Variants in APBB2 observed in about 807,000 individuals in gnomAD.
APBB2 encodes the protein amyloid beta precursor protein binding family B member 2, also known as Fe65-like 1.
A neutral mutation model predicts 82.5 loss-of-function variants in APBB2; 38 were observed. The ratio of observed to expected loss-of-function variants is 0.46; its 90% CI spans 0.36 to 0.60. The LOEUF (loss-of-function observed/expected upper bound fraction) is 0.60. Ranked by LOEUF, APBB2 falls within the 20% of genes least tolerant of loss-of-function variation. The pLI, the probability that APBB2 is intolerant of heterozygous loss-of-function variation, is 0.00. For missense variants in APBB2, 772 were observed against 972.3 expected, an observed-to-expected ratio of 0.79 and a Z score of 2.74; for synonymous variants, 341 against 368.2, an observed-to-expected ratio of 0.93 and a Z score of 0.85.
At chr4:41,093,773 G>C (rs572747221) in intron 3 of APBB2, among the ~76,000 whole-genome samples, 18 of 152,024 alleles carry the variant, frequency 1.2e-4, no homozygotes, top group African/African-American at 3.9e-4. Context: ...AGAATCGCTT[G>C]AATCTGGGAG....
chr4:40,941,504 G>A (rs1425992397), intron 7 of APBB2, among the ~76,000 whole-genome samples: 1 of 152,210 alleles, frequency 6.6e-6, no homozygotes, highest in African/African-American at 2.4e-5. Flanking sequence ...ACTCAAGCTT[G>A]ACTCTACCAT....
In APBB2 at chr4:40,998,838, C is replaced by T. The variant is rs543671923; in HGVS notation, c.835+14745G>A. Among the ~76,000 whole-genome samples, 28 of 152,266 alleles carry T rather than the reference C, an allele frequency of 1.8e-4. No individual in the cohort carries two copies. The South Asian group carries it at 2.1e-3, about 11-fold the overall frequency. Reference sequence around the variant, plus strand: ...CAGCTGATCTGGAAACAGAGACAGACGGCTACTAAGCAACTCACAGGTCGG... The same window carrying T: ...CAGCTGATCTGGAAACAGAGACAGATGGCTACTAAGCAACTCACAGGTCGG... On this transcript the variant is annotated intron_variant, in intron 6 of 17. Transcript: ENST00000508593.
chr4:41,017,445 G>GC (rs1043535127), intron 5 of APBB2, among the ~76,000 whole-genome samples: 13 of 152,158 alleles, frequency 8.5e-5, no homozygotes, highest in Non-Finnish European at 1.9e-4. Flanking sequence ...CAAGAAAGCA[G>GC]CCCCAAGGGA....
chr4:40,914,904 A>G (rs1779473964), intron 10 of APBB2, among the ~76,000 whole-genome samples: 1 of 152,140 alleles, frequency 6.6e-6, no homozygotes. Context: ...AGAAACCATG[A>G]GTCCCTGGGT....
intron 1 of APBB2, among the ~76,000 whole-genome samples, chr4:41,213,607 T>C (rs928313030): frequency 2.6e-5 from 4 of 152,180 alleles, no homozygotes; most frequent in Non-Finnish European, 5.9e-5. Context: ...CACCTTTCAT[T>C]GTTTCTATGG....
In APBB2 at chr4:40,972,440, AAT is replaced by A. The variant is rs577902441; in HGVS notation, c.836-27369_836-27368del. Among the ~76,000 whole-genome samples, 259 of 82,666 alleles carry A rather than the reference AAT, an allele frequency of 3.1e-3. 3 individuals carry two copies. The Middle Eastern group carries it at 0.053, about 17-fold the overall frequency. The allele number at this position is 82,666 out of a possible 152,430, so 54.2% of individuals were successfully genotyped here. A position where few individuals can be genotyped will look rare whatever the true frequency, so the allele number is the denominator to read the frequency against. On this transcript the variant is annotated intron_variant, in intron 6 of 17. Transcript: ENST00000508593. ...GAGACTCCATCTCAAAAAAAAAAAA[AAT>A]AATAATAAATAAATAAATAAAATAG...
intron 5 of APBB2, among the ~76,000 whole-genome samples, chr4:41,015,464 T>G (rs1009558936): frequency 1.3e-5 from 2 of 152,218 alleles, no homozygotes; most frequent in Non-Finnish European, 2.9e-5. Flanking sequence ...GAAATTATAT[T>G]CTGACAATTC....
intron 6 of APBB2, among the ~76,000 whole-genome samples, chr4:40,994,180 G>A (rs889439029): frequency 4.6e-5 from 7 of 152,076 alleles, no homozygotes; most frequent in South Asian, 2.1e-4. Flanking sequence ...CCAGCTACTC[G>A]GGAGGCTGAG....
intron 3 of APBB2, among the ~76,000 whole-genome samples, chr4:41,093,154 AG>A (rs1386839915): frequency 1.3e-5 from 2 of 152,208 alleles, no homozygotes; most frequent in African/African-American, 4.8e-5. Context: ...TTCAAAGCCC[AG>A]ATGAAATGTT....
intron 10 of APBB2, among the ~76,000 whole-genome samples, chr4:40,908,189 G>A (rs1056551922): frequency 6.6e-6 from 1 of 152,052 alleles, no homozygotes; most frequent in Non-Finnish European, 1.5e-5. Flanking sequence ...AAGGCGGCCA[G>A]CACAAACCCG....
At chr4:41,072,322 G>C (rs1232846302) in intron 3 of APBB2, among the ~76,000 whole-genome samples, 1 of 152,206 alleles carries the variant, frequency 6.6e-6, no homozygotes, top group Non-Finnish European at 1.5e-5. Flanking sequence ...TGAGGCAACA[G>C]AGGGCTGTTT....
chr4:41,048,043 T>G (rs1724077026), intron 4 of APBB2, among the ~76,000 whole-genome samples: 1 of 152,212 alleles, frequency 6.6e-6, no homozygotes, highest in African/African-American at 2.4e-5. Flanking sequence ...GTTTAGAAAA[T>G]TATAGTGAAA....
rs201401961 is a variant in APBB2 at position 41,014,400 on chromosome 4, T to TG, written c.20-3dup. The TG allele has an allele frequency of 6.2e-7, 1 of 1,610,468 alleles. No homozygotes were observed. Among genetic ancestry groups the TG allele is most frequent in the Non-Finnish European group, 8.5e-7 (1 of 1,178,444 alleles). ...CCAAGGTGTCAACACCTGAGTCAGC[T>TG]GGGGAAAAAAAAAGTCATTAGACAC... On this transcript the variant is annotated splice_region_variant and splice_polypyrimidine_tract_variant and intron_variant, in intron 5 of 17. Coordinates refer to ENST00000508593, the MANE Select transcript of APBB2 (RefSeq NM_004307.2).
intron 6 of APBB2, among the ~76,000 whole-genome samples, chr4:40,991,943 C>G (rs1017837543): frequency 6.6e-6 from 1 of 152,118 alleles, no homozygotes; most frequent in Non-Finnish European, 1.5e-5. Context: ...GTTCTACAAT[C>G]AGAACACTGC....
chr4:41,004,430 G>A (rs1806114009), intron 6 of APBB2, among the ~76,000 whole-genome samples: 1 of 152,184 alleles, frequency 6.6e-6, no homozygotes, highest in South Asian at 2.1e-4. Context: ...TCTGCGTATG[G>A]TGAGGGCTTC....
intron 4 of APBB2, among the ~76,000 whole-genome samples, chr4:41,049,958 G>C (rs996248366): frequency 3.9e-5 from 6 of 152,126 alleles, no homozygotes; most frequent in African/African-American, 1.4e-4. Flanking sequence ...CTAATCTCAA[G>C]TACCCAGGGA....
intron 12 of APBB2, among the ~76,000 whole-genome samples, chr4:40,866,268 C>T (rs1156913352): frequency 1.3e-5 from 2 of 151,840 alleles, no homozygotes; most frequent in African/African-American, 4.8e-5. Context: ...GGCCTGGACA[C>T]CATCAGTCAT....
At chr4:41,173,316 G>C (rs1356655877) in intron 1 of APBB2, among the ~76,000 whole-genome samples, 1 of 152,170 alleles carries the variant, frequency 6.6e-6, no homozygotes, top group African/African-American at 2.4e-5. Context: ...GATTTTTTCA[G>C]GGTGTGTTAC....
intron 2 of APBB2, among the ~76,000 whole-genome samples, chr4:41,130,739 C>G (rs561318326): frequency 2.9e-4 from 44 of 152,192 alleles, no homozygotes; most frequent in African/African-American, 1.1e-3. Context: ...GAGTGCCTAC[C>G]GATGCCCCAA....
Sources: gnomAD v4.1 joint callset for allele counts (sites outside exome capture counted in the v4.1 genomes callset) on GRCh38, gnomAD v4.1.1 for gene constraint, MANE v1.5 for transcripts, NCBI Gene and HGNC (gene_info 2026-07-23, HGNC 2026-07-21) for gene names.